Variants in FRMD4B observed in about 807,000 individuals in gnomAD.
The protein encoded by FRMD4B is FERM domain containing 4B, also known as FERM domain-containing protein 4B.
In FRMD4B, 74 loss-of-function variants were observed where a neutral mutation model predicts 141.5. That is an observed-to-expected ratio of 0.52 (90% confidence interval 0.43 to 0.63). FRMD4B has a LOEUF of 0.63. FRMD4B is among the 30% of genes least tolerant of loss of function. FRMD4B has a pLI of 0.00. For synonymous variants in FRMD4B, 506 were observed against 467.9 expected (o/e 1.08, Z -1.05); for missense variants, 1,366 against 1,253.4 (o/e 1.09, Z -1.36).
intron 7 of FRMD4B, among the ~76,000 whole-genome samples, chr3:69,243,188 A>T (rs1461051917): frequency 2.0e-5 from 3 of 152,144 alleles, no homozygotes; most frequent in Non-Finnish European, 4.4e-5. Flanking sequence ...TTTAAAGAAA[A>T]TGGAAGTCCC....
At chr3:69,247,275 C>T (rs2093431396) in intron 7 of FRMD4B, among the ~76,000 whole-genome samples, 1 of 152,078 alleles carries the variant, frequency 6.6e-6, no homozygotes, top group African/African-American at 2.4e-5. Context: ...TCAGTCACAG[C>T]CTTGACTGGG....
intron 1 of FRMD4B, among the ~76,000 whole-genome samples, chr3:69,499,119 G>A (rs1427112965): frequency 6.6e-6 from 1 of 152,162 alleles, no homozygotes; most frequent in African/African-American, 2.4e-5. Context: ...GAGTGCAAAG[G>A]TCCTGAGGCA....
intron 7 of FRMD4B, among the ~76,000 whole-genome samples, chr3:69,242,227 TC>T (rs1391790883): frequency 1.3e-5 from 2 of 152,168 alleles, no homozygotes; most frequent in African/African-American, 4.8e-5. Flanking sequence ...ATTCCAAAAC[TC>T]CTCTCTTCAC....
chr3:69,302,490 A>ACTGT, intron 3 of FRMD4B, 55 bp from the exon 4 acceptor site: 3 of 1,062,696 alleles, frequency 2.8e-6, no homozygotes, highest in Non-Finnish European at 4.3e-6. Flanking sequence ...AAAGTTCAAC[A>ACTGT]ACGTACAGTG....
chr3:69,231,177 T>G (rs183136600), intron 7 of FRMD4B, among the ~76,000 whole-genome samples: 44 of 152,300 alleles, frequency 2.9e-4, no homozygotes, highest in African/African-American at 9.9e-4. Flanking sequence ...AGAATGCCCA[T>G]GAGGAAAGAG....
chr3:69,455,911 G>C (rs1024608546), intron 1 of FRMD4B, among the ~76,000 whole-genome samples: 6 of 152,104 alleles, frequency 3.9e-5, no homozygotes, highest in African/African-American at 1.4e-4. Context: ...ACCATCACCT[G>C]GCCATTTGTA....
chr3:69,196,200 G>A (rs1420244154), intron 14 of FRMD4B, 55 bp downstream of exon 14: 11 of 1,447,808 alleles, frequency 7.6e-6, no homozygotes, highest in African/African-American at 2.9e-5. Context: ...GTTTATGACC[G>A]AAAAAACAAA....
At chr3:69,220,783 G>A (rs937521936) in intron 9 of FRMD4B, among the ~76,000 whole-genome samples, 4 of 152,132 alleles carry the variant, frequency 2.6e-5, no homozygotes, top group Admixed American at 6.6e-5. Flanking sequence ...GAACCCAGGA[G>A]GTGGCAATTG....
intron 3 of FRMD4B, among the ~76,000 whole-genome samples, chr3:69,304,047 C>T (rs1253550592): frequency 6.6e-6 from 1 of 151,446 alleles, no homozygotes; most frequent in Non-Finnish European, 1.5e-5. Context: ...AATCCCAGCA[C>T]TTTAGGAGGC....
intron 5 of FRMD4B, among the ~76,000 whole-genome samples, chr3:69,266,372 C>A (rs1193719916): frequency 2.0e-5 from 3 of 152,138 alleles, no homozygotes; most frequent in Non-Finnish European, 2.9e-5. Flanking sequence ...GCCGCCCAGG[C>A]TGGAGTGTGG....
intron 16 of FRMD4B, among the ~76,000 whole-genome samples, 177 bp from the exon 17 acceptor site, chr3:69,194,050 C>A (rs940263098): frequency 2.0e-5 from 3 of 152,242 alleles, no homozygotes; most frequent in African/African-American, 7.2e-5. Context: ...CTCGTCTTAA[C>A]TTCAACTTCT....
At chr3:69,248,222 T>A (rs2093437527) in intron 7 of FRMD4B, among the ~76,000 whole-genome samples, 1 of 151,658 alleles carries the variant, frequency 6.6e-6, no homozygotes, top group Non-Finnish European at 1.5e-5. Context: ...TCTTCAAATT[T>A]CTTAACCTAG....
At chr3:69,221,378 G>A (rs1013356355) in intron 9 of FRMD4B, among the ~76,000 whole-genome samples, 1 of 152,036 alleles carries the variant, frequency 6.6e-6, no homozygotes, top group African/African-American at 2.4e-5. Context: ...CTATACACTC[G>A]ACTCAAATTC....
intron 1 of FRMD4B, chr3:69,536,158 T>C (rs1054019701): frequency 1.9e-6 from 1 of 526,392 alleles, no homozygotes; most frequent in Non-Finnish European, 3.6e-6. Context: ...TCTGCACCTC[T>C]GCTGGCCTCT....
chr3:69,229,701 T>G (rs2093287485), intron 7 of FRMD4B, among the ~76,000 whole-genome samples: 1 of 152,150 alleles, frequency 6.6e-6, no homozygotes, highest in African/African-American at 2.4e-5. Flanking sequence ...GAAATGCAAA[T>G]TAAATCCTCA....
intron 5 of FRMD4B, among the ~76,000 whole-genome samples, chr3:69,284,002 T>C (rs1400497439): frequency 2.1e-5 from 3 of 145,728 alleles, no homozygotes; most frequent in Non-Finnish European, 3.1e-5. Flanking sequence ...AGACAAAATA[T>C]ATAAAACAAC....
intron 2 of FRMD4B, among the ~76,000 whole-genome samples, chr3:69,421,235 C>G (rs1235262035): frequency 6.6e-6 from 1 of 152,218 alleles, no homozygotes; most frequent in Non-Finnish European, 1.5e-5. Context: ...CCAGCCAGGC[C>G]CTTGAATTCT....
At chr3:69,400,864 A>T (rs1376314796) in intron 2 of FRMD4B, among the ~76,000 whole-genome samples, 1 of 152,208 alleles carries the variant, frequency 6.6e-6, no homozygotes, top group East Asian at 1.9e-4. Context: ...AGTTATGCTA[A>T]GAGCAGGATA....
At chr3:69,509,314 C>G (rs1188743484) in intron 1 of FRMD4B, among the ~76,000 whole-genome samples, 1 of 152,220 alleles carries the variant, frequency 6.6e-6, no homozygotes, top group Non-Finnish European at 1.5e-5. Flanking sequence ...ACGGGCAAGT[C>G]TGTTGCCAAA....
Sources: allele counts gnomAD v4.1 joint callset (sites outside exome capture counted in the v4.1 genomes callset), GRCh38; gene constraint gnomAD v4.1.1; transcripts MANE v1.5; gene names NCBI Gene and HGNC (gene_info 2026-07-23, HGNC 2026-07-21).